Variants in TMEM164 observed in about 807,000 individuals in gnomAD.
TMEM164 encodes RP13-360B22.2.
TMEM164 carries 4 observed loss-of-function variants against 18.8 expected under a neutral mutation model. That is an observed-to-expected ratio of 0.21 (90% CI 0.10 to 0.49). TMEM164 has a LOEUF of 0.49. Ranked by LOEUF, TMEM164 falls within the 20% of genes least tolerant of loss-of-function variation. TMEM164 has a pLI of 0.98. For missense variants in TMEM164, 108 were observed against 239.9 expected, an observed-to-expected ratio of 0.45 and a Z score of 3.63; for synonymous variants, 86 against 101.7, an observed-to-expected ratio of 0.85 and a Z score of 0.93.
intron 2 of TMEM164, among the ~76,000 whole-genome samples, chrX:110,016,469 G>A (rs913703005): frequency 6.3e-5 from 7 of 111,480 alleles, no homozygotes; most frequent in Middle Eastern, 4.7e-3. Flanking sequence ...AAAAAGAGTC[G>A]AATTTAGGAG....
chrX:110,137,743 G>A (rs2066711613), intron 4 of TMEM164, among the ~76,000 whole-genome samples: 1 of 112,315 alleles, frequency 8.9e-6, no homozygotes, highest in South Asian at 3.7e-4. Context: ...TAGGGCAGGG[G>A]TCCCTACCCT....
chrX:110,100,780 G>A (rs1259584129), intron 3 of TMEM164, among the ~76,000 whole-genome samples: 2 of 109,791 alleles, frequency 1.8e-5, no homozygotes, highest in African/African-American at 3.3e-5. Context: ...TAGTAGAGAC[G>A]GGGTTTCACC....
chrX:110,082,274 G>A (rs1482945958), intron 3 of TMEM164: 1 of 113,637 alleles, frequency 8.8e-6, no homozygotes, highest in African/African-American at 3.2e-5. Context: ...GCCTCTGAAG[G>A]CCTCTTATCC....
intron 2 of TMEM164, among the ~76,000 whole-genome samples, chrX:110,063,389 T>C (rs937150358): frequency 4.5e-5 from 5 of 110,867 alleles, no homozygotes; most frequent in African/African-American, 6.6e-5. Flanking sequence ...GGAGCAGAAG[T>C]GGATGGGAGG....
chrX:110,112,346 A>G (rs1030998910), intron 4 of TMEM164, among the ~76,000 whole-genome samples: 7 of 110,858 alleles, frequency 6.3e-5, no homozygotes, highest in African/African-American at 2.3e-4. Flanking sequence ...TAAATAAACA[A>G]ATAAATAGAA....
At chrX:110,115,482 T>C (rs1450938542) in intron 4 of TMEM164, among the ~76,000 whole-genome samples, 1 of 111,477 alleles carries the variant, frequency 9.0e-6, no homozygotes, top group Non-Finnish European at 1.9e-5. Context: ...GTGGGGGGTA[T>C]TGAGATGAGT....
intron 5 of TMEM164, among the ~76,000 whole-genome samples, chrX:110,155,073 AACTAGACTGCCG>A (rs2148094806): frequency 9.0e-6 from 1 of 111,688 alleles, no homozygotes; most frequent in African/African-American, 3.3e-5. Context: ...TCTTTCTTCC[AACTAGACTGCCG>A]TCTCTAGAGG....
chrX:110,146,723 C>A (rs2066860521), intron 5 of TMEM164, among the ~76,000 whole-genome samples: 1 of 111,722 alleles, frequency 9.0e-6, no homozygotes, highest in Non-Finnish European at 1.9e-5. Flanking sequence ...CTCCCATCTC[C>A]CTTTCCAGCT....
At chrX:110,055,622 C>T (rs1028683074) in intron 2 of TMEM164, among the ~76,000 whole-genome samples, 11 of 111,592 alleles carry the variant, frequency 9.9e-5, no homozygotes, top group African/African-American at 2.9e-4. Flanking sequence ...AGGAGAACTA[C>T]GTACCTTCGT....
At chrX:110,073,970 C>T (rs981790782) in intron 3 of TMEM164, among the ~76,000 whole-genome samples, 9 of 110,676 alleles carry the variant, frequency 8.1e-5, no homozygotes, top group South Asian at 3.8e-4. Flanking sequence ...CTCATCCTCC[C>T]GGGTCCAAGT....
intron 4 of TMEM164, among the ~76,000 whole-genome samples, chrX:110,136,556 A>G (rs1053668256): frequency 9.0e-6 from 1 of 111,660 alleles, no homozygotes; most frequent in African/African-American, 3.3e-5. Context: ...TGTCTTTGTA[A>G]CTACCTATTC....
intron 2 of TMEM164, among the ~76,000 whole-genome samples, chrX:110,033,970 C>T (rs1239014203): frequency 1.8e-5 from 2 of 110,744 alleles, no homozygotes; most frequent in East Asian, 2.8e-4. Context: ...CCCGCCCCAC[C>T]GCCCACCCAA....
intron 3 of TMEM164, among the ~76,000 whole-genome samples, chrX:110,090,762 G>C (rs1436586390): frequency 1.8e-5 from 2 of 111,068 alleles, no homozygotes; most frequent in East Asian, 5.6e-4. Flanking sequence ...ACAACATGCA[G>C]GTTTGTTACA....
At chrX:110,022,226 G>C (rs1933922583) in intron 2 of TMEM164, among the ~76,000 whole-genome samples, 1 of 106,287 alleles carries the variant, frequency 9.4e-6, no homozygotes, top group Non-Finnish European at 1.9e-5. Context: ...TGTGTATTGA[G>C]TGATATCTCA....
chrX:110,109,080 G>A lies in TMEM164; in HGVS notation c.441G>A (p.Lys147=). ...PPCRGAIVVF[K]LQMHMLNGAL... ...GAACTTTATCTTTCTCCCCCTCTAG[G>A]CTACAGATGCACATGTTGAATGGAG... is the stretch of plus-strand genomic sequence containing the variant. Residue 147 remains lysine (K), a splice_region_variant and synonymous_variant, in exon 4 of 7, where the codon AAG becomes AAA. Transcript: ENST00000372068. 8.3e-7 allele frequency: 1 copy of A among 1,210,145 alleles called. No individual in the cohort carries two copies. The highest frequency in any genetic ancestry group is 1.1e-6 in the Non-Finnish European group (1 of 894,521).
intron 5 of TMEM164, among the ~76,000 whole-genome samples, chrX:110,161,880 C>G (rs911572798): frequency 8.9e-6 from 1 of 112,623 alleles, no homozygotes; most frequent in African/African-American, 3.2e-5. Flanking sequence ...CCACAACTTC[C>G]CTAGGACAGT....
chrX:110,057,048 A>C (rs1230595001), intron 2 of TMEM164, among the ~76,000 whole-genome samples: 1 of 110,396 alleles, frequency 9.1e-6, no homozygotes, highest in Non-Finnish European at 1.9e-5. Context: ...AATACTTAGG[A>C]TCTATTCTTA....
At chrX:110,077,176 C>G (rs2065684184) in intron 3 of TMEM164, among the ~76,000 whole-genome samples, 1 of 112,165 alleles carries the variant, frequency 8.9e-6, no homozygotes, top group Non-Finnish European at 1.9e-5. Flanking sequence ...GTTAAGTCTC[C>G]TTGTTGAATT....
rs144977891 is a variant in TMEM164 at position 110,016,550 on chromosome X, G to A, written c.390+12386G>A. 5.3e-5 allele frequency among the ~76,000 whole-genome samples: 6 copies of A among 112,451 alleles called. No individual in the cohort carries two copies. In the South Asian group the frequency reaches 1.1e-3, roughly 20 times the overall value. ...GTGAGGAGTGGTAGTAATAACACTTGTAACATTTTTGAATACACGTTAATT... is the reference window on the plus strand; with the variant it reads ...GTGAGGAGTGGTAGTAATAACACTTATAACATTTTTGAATACACGTTAATT... On this transcript the variant is annotated intron_variant, in intron 2 of 6. Coordinates refer to ENST00000372068, the MANE Select transcript of TMEM164 (RefSeq NM_032227.4).
Sources: allele counts gnomAD v4.1 joint callset (sites outside exome capture counted in the v4.1 genomes callset), GRCh38; gene constraint gnomAD v4.1.1; transcripts MANE v1.5; gene names NCBI Gene and HGNC (gene_info 2026-07-23, HGNC 2026-07-21).